ARMH3: variants seen among roughly 807,000 people sequenced by gnomAD.
ARMH3 encodes armadillo-like helical domain-containing protein 3.
ARMH3 carries 60 observed loss-of-function variants against 99.1 expected under a neutral mutation model. That is an observed-to-expected ratio of 0.61 (90% CI 0.49 to 0.75). The LOEUF is 0.75. Ranked by LOEUF, ARMH3 falls within the 30% of genes least tolerant of loss-of-function variation. The probability of loss-of-function intolerance (pLI) is 0.00; values close to 1 mark genes in which losing one functional copy is unlikely to be tolerated. For missense variants in ARMH3, 679 were observed against 843.1 expected (o/e 0.81, Z 2.41); for synonymous variants, 285 against 292.8 (o/e 0.97, Z 0.27).
At chr10:101,925,572 G>C (rs1014234424) in intron 23 of ARMH3, among the ~76,000 whole-genome samples, 2 of 152,156 alleles carry the variant, frequency 1.3e-5, no homozygotes, top group African/African-American at 4.8e-5. Context: ...ACAGGTTCAG[G>C]TTATAAAGAG....
At chr10:101,942,907 T>C (rs1001140906) in intron 22 of ARMH3, among the ~76,000 whole-genome samples, 1 of 149,772 alleles carries the variant, frequency 6.7e-6, no homozygotes, top group Non-Finnish European at 1.5e-5. Context: ...CTAGCCAAGA[T>C]GCAGTAACTT....
At chr10:101,957,780 T>A in intron 20 of ARMH3, 48 bp from the exon 21 acceptor site, 1 of 1,515,482 alleles carries the variant, frequency 6.6e-7, no homozygotes, top group Non-Finnish European at 8.8e-7. Context: ...AAACCATGAT[T>A]AATAAAGTTA....
chr10:101,964,573 CATAG>C (rs1274444933), intron 20 of ARMH3, among the ~76,000 whole-genome samples: 1 of 152,134 alleles, frequency 6.6e-6, no homozygotes, highest in Non-Finnish European at 1.5e-5. Flanking sequence ...ATTCTGACAA[CATAG>C]ATGAACCTTG....
At chr10:102,051,578 G>A (rs2067709204) in intron 1 of ARMH3, among the ~76,000 whole-genome samples, 1 of 152,170 alleles carries the variant, frequency 6.6e-6, no homozygotes, top group Non-Finnish European at 1.5e-5. Flanking sequence ...GAACCAGACT[G>A]ATTAAGGAAG....
chr10:101,993,673 G>A lies in ARMH3; in HGVS notation c.1210-70C>T, dbSNP rs1014404002. On this transcript the variant is annotated intron_variant, in intron 16 of 25. Transcript: ENST00000370033. The stretch of plus-strand genomic sequence containing the variant: ...AAGAAACTGTAATCTATCACACTTC[G>A]TACAAATCCTTGGACTTTGAGAACT... The A allele has an allele frequency of 5.7e-5, 61 of 1,071,088 alleles. 1 individual carries two copies. The South Asian group carries it at 6.6e-4, about 12-fold the overall frequency. 66.3% of individuals were successfully genotyped at this position (1,071,088 alleles called of 1,614,324 possible).
At chr10:101,922,954 C>T (rs1468426722) in intron 23 of ARMH3, among the ~76,000 whole-genome samples, 2 of 152,092 alleles carry the variant, frequency 1.3e-5, no homozygotes, top group East Asian at 3.8e-4. Flanking sequence ...TCCTTCGGTA[C>T]ACTGGGTAGT....
chr10:101,881,992 G>T (rs2067431856), intron 24 of ARMH3, among the ~76,000 whole-genome samples: 1 of 152,082 alleles, frequency 6.6e-6, no homozygotes, highest in African/African-American at 2.4e-5. Context: ...AGATCCACTG[G>T]TAAGCTAACA....
In ARMH3 at chr10:102,006,554, G is replaced by GGTGT. The variant is rs1564842011; in HGVS notation, c.1030_1033dup (p.Pro345HisfsTer6). 1.3e-5 allele frequency: 21 copies of GGTGT among 1,613,704 alleles called. No homozygotes were observed. The highest frequency in any genetic ancestry group is 1.8e-5 in the Non-Finnish European group (21 of 1,179,782). ...GGTGGGCTCACCATCAGAGGAAGGC[G>GGTGT]GTGTGGTCCCAAGTGGTGTGACTGG... On this transcript the variant is annotated frameshift_variant, in exon 14 of 26. Transcript: ENST00000370033. LOFTEE classifies it high-confidence loss of function.
chr10:102,008,669 C>T (rs1478074686), intron 13 of ARMH3, among the ~76,000 whole-genome samples: 1 of 152,096 alleles, frequency 6.6e-6, no homozygotes, highest in Non-Finnish European at 1.5e-5. Flanking sequence ...TCTCCTGCCT[C>T]AGCCTCCCAA....
chr10:101,917,580 T>C (rs1414801133), intron 23 of ARMH3, among the ~76,000 whole-genome samples: 1 of 152,258 alleles, frequency 6.6e-6, no homozygotes, highest in Non-Finnish European at 1.5e-5. Context: ...CAAGTTTTTA[T>C]TTCACTTGGG....
chr10:101,974,545 G>T (rs1022354536), intron 20 of ARMH3, among the ~76,000 whole-genome samples: 4 of 152,108 alleles, frequency 2.6e-5, no homozygotes, highest in African/African-American at 9.7e-5. Flanking sequence ...AAAAGAAAGG[G>T]GTGGCAAGCC....
At chr10:102,052,871 C>T (rs2067740246) in intron 1 of ARMH3, among the ~76,000 whole-genome samples, 1 of 152,116 alleles carries the variant, frequency 6.6e-6, no homozygotes, top group African/African-American at 2.4e-5. Context: ...GTACATCCTA[C>T]AAGCAACCTG....
At chr10:101,855,058 A>ATTT (rs2066699641) in intron 24 of ARMH3, among the ~76,000 whole-genome samples, 1 of 27,188 alleles carries the variant, frequency 3.7e-5, no homozygotes, top group Non-Finnish European at 6.4e-5. Flanking sequence ...AACACTGTCT[A>ATTT]TTCTTTTTTT....
At chr10:101,859,485 A>T (rs1236551667) in intron 24 of ARMH3, among the ~76,000 whole-genome samples, 1 of 152,350 alleles carries the variant, frequency 6.6e-6, no homozygotes, top group African/African-American at 2.4e-5. Flanking sequence ...ATCCTGTACA[A>T]AAGATGAGCA....
intron 14 of ARMH3, among the ~76,000 whole-genome samples, chr10:102,005,159 T>G (rs1256535226): frequency 6.6e-6 from 1 of 152,044 alleles, no homozygotes; most frequent in African/African-American, 2.4e-5. Context: ...ATCGCACCCC[T>G]GCACTCCAGC....
chr10:101,977,192 T>C (rs1431072687), intron 19 of ARMH3, among the ~76,000 whole-genome samples: 2 of 152,200 alleles, frequency 1.3e-5, no homozygotes, highest in Non-Finnish European at 1.5e-5. Context: ...TGCTAGATCA[T>C]TGGAATATTC....
rs2067925007 is a variant in ARMH3, at chr10:101,899,617, G to A, written c.1782-10127C>T. 2.0e-5 allele frequency among the ~76,000 whole-genome samples: 3 copies of A among 152,106 alleles called. 1 individual carries two copies. Among genetic ancestry groups the A allele is most frequent in the South Asian group, 4.1e-4 (2 of 4,820 alleles). On this transcript the variant is annotated intron_variant, in intron 23 of 25. Transcript: ENST00000370033. ...GCCTGTTAACAGAAGTGCATTACAA[G>A]CCTCAAAGACTCTGCTGATTAACAT...
intron 23 of ARMH3, among the ~76,000 whole-genome samples, chr10:101,923,608 T>C (rs535599632): frequency 5.9e-5 from 9 of 152,346 alleles, no homozygotes; most frequent in African/African-American, 2.2e-4. Flanking sequence ...ATCTTCTTTC[T>C]CAGTAAAATT....
intron 23 of ARMH3, among the ~76,000 whole-genome samples, chr10:101,927,611 G>A (rs1207702012): frequency 1.3e-5 from 2 of 152,126 alleles, no homozygotes; most frequent in Non-Finnish European, 2.9e-5. Flanking sequence ...CCTCCAAAAG[G>A]CTCAAGTAAG....
Sources: allele counts gnomAD v4.1 joint callset (sites outside exome capture counted in the v4.1 genomes callset), GRCh38; gene constraint gnomAD v4.1.1; transcripts MANE v1.5; gene names NCBI Gene and HGNC (gene_info 2026-07-23, HGNC 2026-07-21).